The following DST variants were observed in gnomAD, a reference collection of about 807,000 sequenced individuals.
The protein encoded by DST is dystonin.
In DST, 253 loss-of-function variants were observed where a neutral mutation model predicts 875.2. The ratio of observed to expected loss-of-function variants is 0.29; its 90% confidence interval spans 0.26 to 0.32. The LOEUF is 0.32. Among genes scored for constraint, DST ranks in the 10% least tolerant of loss-of-function variants. The pLI is 1.00. For synonymous variants in DST, 3,124 were observed against 3,197.1 expected (o/e 0.98, Z 0.77); for missense variants, 8,287 against 9,111.6 (o/e 0.91, Z 3.68).
intron 72 of DST, among the ~76,000 whole-genome samples, chr6:56,512,074 A>G (rs1177256131): frequency 6.6e-6 from 1 of 152,182 alleles, no homozygotes; most frequent in Non-Finnish European, 1.5e-5. Context: ...TGATATATAG[A>G]CACACATATG....
intron 99 of DST, among the ~76,000 whole-genome samples, chr6:56,465,867 T>TAAAAAAAAAAAAAAAAAA (rs11359681): frequency 2.7e-5 from 3 of 112,410 alleles, no homozygotes; most frequent in African/African-American, 3.0e-5. Flanking sequence ...CCAGAAAAAG[T>TAAAAAAAAAAAAAAAAAA]AAAAAAAAAA....
rs140956916 is a variant in DST at position 56,643,423 on chromosome 6, C to T, written c.1779-920G>A. Among the ~76,000 whole-genome samples, 570 of 152,208 alleles carry T rather than the reference C, an allele frequency of 3.7e-3. 4 individuals are homozygous for T. Among genetic ancestry groups the T allele is most frequent in the Middle Eastern group, 0.017 (5 of 294 alleles). ...TCCATTTACCTTTCTTTATATGACA[C>T]GCTCCCAGTAATGTTACTTCTAAAC... On this transcript the variant is annotated intron_variant, in intron 15 of 103. Transcript: ENST00000680361.
At chr6:56,553,857 A>C (rs995128216) in intron 60 of DST, among the ~76,000 whole-genome samples, 3 of 152,150 alleles carry the variant, frequency 2.0e-5, no homozygotes, top group Non-Finnish European at 2.9e-5. Context: ...GAAAATACAC[A>C]ATCAAGAAAA....
chr6:56,781,614 G>C (rs1038542517), intron 4 of DST, among the ~76,000 whole-genome samples: 1 of 152,218 alleles, frequency 6.6e-6, no homozygotes, highest in Non-Finnish European at 1.5e-5. Context: ...AGCTTAAGGA[G>C]ATTTTAGGCT....
chr6:56,594,343 C>A (rs2098335067), intron 47 of DST, 150 bp from the exon 48 acceptor site: 2 of 552,714 alleles, frequency 3.6e-6, no homozygotes, highest in Admixed American at 6.1e-5. Flanking sequence ...ACCGTACTCC[C>A]TTTTATTGGT....
intron 3 of DST, among the ~76,000 whole-genome samples, chr6:56,887,335 T>C (rs1273261879): frequency 6.6e-6 from 1 of 152,180 alleles, no homozygotes; most frequent in Non-Finnish European, 1.5e-5. Flanking sequence ...TGGTCTTAAA[T>C]TGTAAGGCAT....
intron 5 of DST, among the ~76,000 whole-genome samples, chr6:56,706,108 G>C (rs1240566531): frequency 2.6e-5 from 4 of 152,190 alleles, no homozygotes; most frequent in Non-Finnish European, 5.9e-5. Context: ...GAGGTCAGGA[G>C]TTCGAGACCA....
At position 56,573,817 on chromosome 6, in the gene DST, G is replaced by A. The variant is rs767527732; in HGVS notation, c.13098C>T (p.Thr4366=). Residue 4366 remains threonine (T), a synonymous_variant, in exon 51 of 104, where the codon ACC becomes ACT. Transcript: ENST00000680361. Reference sequence around the variant, plus strand: ...CCTGCACACTCAGTGAACGGGTCAAGGTTATCTGGAGTTTTTCATTTCGTT... The same window carrying A: ...CCTGCACACTCAGTGAACGGGTCAAAGTTATCTGGAGTTTTTCATTTCGTT... ...VNERNEKLQI[T]LTRSLSVQDG... The A allele has an allele frequency of 4.3e-6, 7 of 1,613,496 alleles. No homozygotes were observed. The highest frequency in any genetic ancestry group is 4.0e-5 in the African/African-American group (3 of 74,990).
intron 2 of DST, among the ~76,000 whole-genome samples, chr6:56,923,009 G>GTA (rs1805078908): frequency 6.6e-6 from 1 of 152,048 alleles, no homozygotes; most frequent in Non-Finnish European, 1.5e-5. Flanking sequence ...AGGAAATAAA[G>GTA]TATACATCAA....
intron 55 of DST, among the ~76,000 whole-genome samples, chr6:56,566,070 C>T (rs1365530785): frequency 6.6e-6 from 1 of 152,172 alleles, no homozygotes; most frequent in Non-Finnish European, 1.5e-5. Context: ...CATCCCAGGT[C>T]GACTGCAGAC....
Position 56,635,628 on chromosome 6 carries a change from G to T in DST, c.3147C>A (p.Ser1049Arg). 1 of 1,613,898 alleles carries T rather than the reference G, an allele frequency of 6.2e-7. No individual in the cohort carries two copies. The highest frequency in any genetic ancestry group is 8.5e-7 in the Non-Finnish European group (1 of 1,179,886). ...IQRKYSCDRSSSIHKLEDLVQ... is the reference protein window; with the variant it reads ...IQRKYSCDRSRSIHKLEDLVQ... ...CAAGGTCTTCTAGCTTGTGAATGCT[G>T]CTTGATCTATCACAGCTGTACTTCC... is the stretch of plus-strand genomic sequence containing the variant. Residue 1049 changes from serine to arginine, a missense_variant, in exon 24 of 104, where the codon AGC becomes AGA. Around this residue, in one of 10 missense-constraint regions of DST, gnomAD observed 1,160 missense variants for 1,424.3 expected, o/e 0.81. Coordinates refer to ENST00000680361, the MANE Select transcript of DST (RefSeq NM_001374736.1).
rs1328893625 is a variant in DST, at chr6:56,608,505, C to T, written c.6123G>A (p.Lys2041=). The T allele has an allele frequency of 3.7e-6, 6 of 1,613,494 alleles. No homozygotes were observed. The highest frequency in any genetic ancestry group is 5.1e-6 in the Non-Finnish European group (6 of 1,179,774). The part of the protein sequence containing the change: ...TGGIIQSNPA[K]RLTVDEAVQC... ...GTACTGCTTCGTCTACAGTTAAACGCTTGGCAGGGTTTGACTGGATGATTC... is the reference window on the plus strand; with the variant it reads ...GTACTGCTTCGTCTACAGTTAAACGTTTGGCAGGGTTTGACTGGATGATTC... The change falls in exon 40 of 104, where the codon AAG becomes AAA. Residue 2041 remains lysine, a synonymous_variant. Coordinates refer to ENST00000680361, the MANE Select transcript of DST (RefSeq NM_001374736.1).
chr6:56,744,910 G>A (rs1334273697), intron 4 of DST, among the ~76,000 whole-genome samples: 1 of 152,102 alleles, frequency 6.6e-6, no homozygotes, highest in Non-Finnish European at 1.5e-5. Flanking sequence ...CATTCCCACA[G>A]GAACATCATT....
At chr6:56,938,108 C>CTCTCTCTATATATATATA (rs1383243392) in intron 2 of DST, among the ~76,000 whole-genome samples, 7 of 120,754 alleles carry the variant, frequency 5.8e-5, no homozygotes, top group African/African-American at 2.1e-4. Context: ...CTCTCTCTCT[C>CTCTCTCTATATATATATA]TATATATATA....
intron 4 of DST, among the ~76,000 whole-genome samples, chr6:56,845,175 T>C (rs541494166): frequency 1.2e-4 from 19 of 152,364 alleles, no homozygotes; most frequent in African/African-American, 4.6e-4. Context: ...AATCAGCTGA[T>C]TGTTGACAGT....
intron 9 of DST, among the ~76,000 whole-genome samples, chr6:56,675,761 G>A (rs1015881979): frequency 6.6e-6 from 1 of 151,882 alleles, no homozygotes; most frequent in African/African-American, 2.4e-5. Context: ...CTGAGGTAGG[G>A]GAACCACTTG....
chr6:56,545,241 C>A (rs980599712), intron 61 of DST, among the ~76,000 whole-genome samples: 2 of 151,960 alleles, frequency 1.3e-5, no homozygotes, highest in East Asian at 1.9e-4. Context: ...TGGGCTCAAG[C>A]AGTCCTCCTG....
At chr6:56,737,967 T>C (rs1012142566) in intron 4 of DST, among the ~76,000 whole-genome samples, 2 of 152,224 alleles carry the variant, frequency 1.3e-5, no homozygotes, top group East Asian at 1.9e-4. Context: ...AGTGATACAA[T>C]GGTCTGTTCA....
chr6:56,748,139 T>C (rs1302686243), intron 4 of DST, among the ~76,000 whole-genome samples: 2 of 152,154 alleles, frequency 1.3e-5, no homozygotes, highest in African/African-American at 4.8e-5. Context: ...CCAACATAAG[T>C]TCATTAAATA....
Sources: gnomAD v4.1 joint callset for allele counts (sites outside exome capture counted in the v4.1 genomes callset) on GRCh38, gnomAD v4.1.1 for gene constraint, gnomAD v4.1.1 regional missense constraint, MANE v1.5 for transcripts, NCBI Gene and HGNC (gene_info 2026-07-23, HGNC 2026-07-21) for gene names.